PTK2: variants seen among roughly 807,000 people sequenced by gnomAD.
PTK2 encodes the protein protein tyrosine kinase 2.
PTK2 carries 45 observed loss-of-function variants against 150.1 expected under a neutral mutation model. The observed-to-expected ratio is 0.30, with a 90% CI of 0.24 to 0.38. The LOEUF (loss-of-function observed/expected upper bound fraction) is 0.38. Ranked by LOEUF, PTK2 falls within the 10% of genes least tolerant of loss-of-function variation. The pLI is 1.00. For missense variants in PTK2, 919 were observed against 1,307.3 expected, an observed-to-expected ratio of 0.70 and a Z score of 4.58; for synonymous variants, 432 against 449.2, an observed-to-expected ratio of 0.96 and a Z score of 0.48.
intron 13 of PTK2, 46 bp downstream of exon 13, chr8:140,793,308 A>C (rs1235706409): frequency 6.3e-7 from 1 of 1,584,754 alleles, no homozygotes; most frequent in Non-Finnish European, 8.6e-7. Context: ...ATTTCCTTAA[A>C]CTTTCCAACA....
rs368575256 is a variant in PTK2, at chr8:140,759,736, G to A, written c.1332+1429C>T. ...CTATGTGTGGTGGCACTTGCCTGTA[G>A]TCCTAGTTACGAGGGAGGATAACTT... On this transcript the variant is annotated intron_variant, in intron 16 of 31. Transcript: ENST00000522684. 2.8e-4 allele frequency among the ~76,000 whole-genome samples: 42 copies of A among 151,944 alleles called. No individual in the cohort carries two copies. In the East Asian group the frequency reaches 6.4e-3, roughly 23 times the overall value.
At chr8:140,785,568 T>C (rs978757160) in intron 14 of PTK2, among the ~76,000 whole-genome samples, 3 of 152,160 alleles carry the variant, frequency 2.0e-5, no homozygotes, top group African/African-American at 7.2e-5. Context: ...AGGTAAGAAC[T>C]CTTTGGTTGT....
At chr8:140,925,429 A>C (rs1181809230) in intron 2 of PTK2, 1 of 153,690 alleles carries the variant, frequency 6.5e-6, no homozygotes, top group Non-Finnish European at 1.4e-5. Flanking sequence ...CAGTAAGATT[A>C]CTAATTACCA....
intron 7 of PTK2, among the ~76,000 whole-genome samples, chr8:140,832,057 G>C (rs1400636614): frequency 6.6e-6 from 1 of 152,054 alleles, no homozygotes; most frequent in Non-Finnish European, 1.5e-5. Flanking sequence ...TTTCATATCA[G>C]AGTGTTTGTT....
intron 2 of PTK2, among the ~76,000 whole-genome samples, chr8:140,911,213 T>C (rs1383769715): frequency 1.3e-5 from 2 of 152,124 alleles, no homozygotes; most frequent in African/African-American, 2.4e-5. Context: ...TTGTAGGTTT[T>C]TGTCTGCCTT....
chr8:140,784,122 A>C (rs1457653136), intron 14 of PTK2, among the ~76,000 whole-genome samples: 1 of 152,158 alleles, frequency 6.6e-6, no homozygotes. Flanking sequence ...CCAAGATCAC[A>C]CCACTGCATT....
upstream of PTK2, chr8:141,001,289 T>C (rs928833689): frequency 1.4e-5 from 2 of 146,152 alleles, no homozygotes; most frequent in African/African-American, 4.9e-5. Context: ...CCGTGCTGCG[T>C]CGGCGCGGGC....
intron 11 of PTK2, among the ~76,000 whole-genome samples, chr8:140,802,610 C>T (rs2100095776): frequency 6.6e-6 from 1 of 152,186 alleles, no homozygotes; most frequent in Non-Finnish European, 1.5e-5. Context: ...CACTCACTGA[C>T]TCACCCACAG....
chr8:140,662,278 C>CA (rs1345139531), intron 31 of PTK2, among the ~76,000 whole-genome samples: 2 of 149,594 alleles, frequency 1.3e-5, no homozygotes, highest in Admixed American at 1.3e-4. Flanking sequence ...GCCTGGGTGA[C>CA]AGAGACAGAC....
intron 22 of PTK2, among the ~76,000 whole-genome samples, chr8:140,725,002 G>C (rs2100044923): frequency 6.6e-6 from 1 of 152,182 alleles, no homozygotes; most frequent in African/African-American, 2.4e-5. Context: ...CAGCTTCATG[G>C]ATATATTGAA....
At chr8:140,690,243 C>T (rs1256661741) in intron 26 of PTK2, among the ~76,000 whole-genome samples, 1 of 152,188 alleles carries the variant, frequency 6.6e-6, no homozygotes. Flanking sequence ...TGAGCCACCG[C>T]GCCAGGCCAA....
At chr8:140,718,902 G>T (rs1334331910) in intron 22 of PTK2, among the ~76,000 whole-genome samples, 2 of 152,206 alleles carry the variant, frequency 1.3e-5, no homozygotes, top group African/African-American at 4.8e-5. Flanking sequence ...TCAGGACCGG[G>T]CATGGTGGCT....
intron 4 of PTK2, among the ~76,000 whole-genome samples, chr8:140,867,015 GA>G (rs2154606175): frequency 6.6e-6 from 1 of 152,304 alleles, no homozygotes; most frequent in South Asian, 2.1e-4. Context: ...AACAGACTAT[GA>G]AAAGGCCCTG....
At chr8:140,889,531 T>C (rs2100153534) in intron 3 of PTK2, among the ~76,000 whole-genome samples, 1 of 152,056 alleles carries the variant, frequency 6.6e-6, no homozygotes, top group Non-Finnish European at 1.5e-5. Flanking sequence ...GCCCGACCTG[T>C]TGGCCTTAAA....
intron 1 of PTK2, among the ~76,000 whole-genome samples, chr8:140,952,167 C>T (rs752977041): frequency 4.6e-5 from 7 of 152,144 alleles, no homozygotes; most frequent in African/African-American, 1.2e-4. Context: ...TTGTGACAGG[C>T]GTTAAACAGT....
At chr8:140,978,178 C>T (rs1319276666) in intron 1 of PTK2, among the ~76,000 whole-genome samples, 1 of 150,246 alleles carries the variant, frequency 6.7e-6, no homozygotes. Flanking sequence ...CTAGGCAATA[C>T]CATTCAGGAC....
chr8:140,769,488 T>C, intron 14 of PTK2, 87 bp downstream of exon 16: 1 of 936,004 alleles, frequency 1.1e-6, no homozygotes, highest in South Asian at 1.6e-5. Flanking sequence ...CAAAAGCACA[T>C]TTTGCCTTTC....
intron 26 of PTK2, among the ~76,000 whole-genome samples, chr8:140,698,924 ATTTTTTTT>A (rs10713722): frequency 2.1e-5 from 2 of 96,200 alleles, no homozygotes; most frequent in African/African-American, 8.0e-5. Flanking sequence ...TAATTTTTGT[ATTTTTTTT>A]TTTTTTTTTT....
chr8:140,687,512 A>T (rs991813773), intron 26 of PTK2, among the ~76,000 whole-genome samples: 1 of 152,100 alleles, frequency 6.6e-6, no homozygotes, highest in African/African-American at 2.4e-5. Flanking sequence ...TACTTCCCTC[A>T]TTAGAGATGG....
Sources: gnomAD v4.1 joint callset for allele counts (sites outside exome capture counted in the v4.1 genomes callset) on GRCh38, gnomAD v4.1.1 for gene constraint, MANE v1.5 for transcripts, NCBI Gene and HGNC (gene_info 2026-07-23, HGNC 2026-07-21) for gene names.